Variants in THSD4 observed in about 807,000 individuals in gnomAD.
THSD4 encodes the protein thrombospondin type 1 domain containing 4.
In THSD4, 69 loss-of-function variants were observed where a neutral mutation model predicts 119.0. The ratio of observed to expected loss-of-function variants is 0.58; its 90% CI spans 0.48 to 0.71. The LOEUF (loss-of-function observed/expected upper bound fraction) is 0.71, where lower values mean the gene tolerates loss of function less well. THSD4 is among the 30% of genes least tolerant of loss of function. The pLI, the probability that THSD4 is intolerant of heterozygous loss-of-function variation, is 0.00. For synonymous variants in THSD4, 524 were observed against 540.4 expected, an observed-to-expected ratio of 0.97 and a Z score of 0.42; for missense variants, 1,393 against 1,391.1, an observed-to-expected ratio of 1.00 and a Z score of -0.02.
At chr15:71,732,069 C>G (rs1021871515) in intron 10 of THSD4, 1 of 152,262 alleles carries the variant, frequency 6.6e-6, no homozygotes, top group Non-Finnish European at 1.5e-5. Flanking sequence ...CTTCCTCTCT[C>G]TTTCCTTTAT....
chr15:71,645,924 T>A (rs2050959748), intron 7 of THSD4, among the ~76,000 whole-genome samples: 1 of 152,210 alleles, frequency 6.6e-6, no homozygotes, highest in Non-Finnish European at 1.5e-5. Flanking sequence ...AGTGCCACTT[T>A]CCCTCATCCC....
chr15:71,216,265 C>A (rs980962094), intron 4 of THSD4, among the ~76,000 whole-genome samples: 2 of 152,242 alleles, frequency 1.3e-5, no homozygotes, highest in Admixed American at 1.3e-4. Context: ...ATGCGTAATT[C>A]ATTTGTCAAG....
At chr15:71,285,498 C>T (rs986514746) in intron 6 of THSD4, among the ~76,000 whole-genome samples, 40 of 152,162 alleles carry the variant, frequency 2.6e-4, no homozygotes, top group African/African-American at 8.2e-4. Flanking sequence ...AATAAAATTT[C>T]AAGCAACTAA....
chr15:71,497,824 A>G (rs903810571), intron 7 of THSD4, among the ~76,000 whole-genome samples: 1 of 152,224 alleles, frequency 6.6e-6, no homozygotes, highest in Admixed American at 6.5e-5. Flanking sequence ...AAGATTTCTC[A>G]TAATGTATTT....
At chr15:71,606,190 T>C (rs1480046528) in intron 7 of THSD4, among the ~76,000 whole-genome samples, 1 of 152,244 alleles carries the variant, frequency 6.6e-6, no homozygotes, top group African/African-American at 2.4e-5. Flanking sequence ...TTTTGTTTTT[T>C]GGTTACTTTT....
At chr15:71,194,068 G>T (rs937915422) in intron 3 of THSD4, among the ~76,000 whole-genome samples, 2 of 152,092 alleles carry the variant, frequency 1.3e-5, no homozygotes, top group Admixed American at 6.6e-5. Flanking sequence ...ACTCTCTCTT[G>T]CCTGCTGCCA....
At position 71,529,530 on chromosome 15, in the gene THSD4, T is replaced by C. The variant is rs1019671572; in HGVS notation, c.1152+117707T>C. Among the ~76,000 whole-genome samples, 4 of 152,210 alleles carry C rather than the reference T, an allele frequency of 2.6e-5. 1 individual carries two copies. Among genetic ancestry groups the C allele is most frequent in the Admixed American group, 2.6e-4 (4 of 15,282 alleles). Reference sequence around the variant, plus strand: ...TTGACTTTTTACCTAACAGTCTCAATTGAAAGCTGGGGTTAGTGATTAACT... The same window carrying C: ...TTGACTTTTTACCTAACAGTCTCAACTGAAAGCTGGGGTTAGTGATTAACT... On this transcript the variant is annotated intron_variant, in intron 7 of 17. Transcript: ENST00000261862.
At chr15:71,123,255 C>T (rs2040422894) in intron 1 of THSD4, among the ~76,000 whole-genome samples, 1 of 152,224 alleles carries the variant, frequency 6.6e-6, no homozygotes, top group Non-Finnish European at 1.5e-5. Flanking sequence ...TGCAGTCATT[C>T]ACTCAGGCAT....
At chr15:71,547,558 G>A (rs947156692) in intron 7 of THSD4, 4 of 1,498,568 alleles carry the variant, frequency 2.7e-6, no homozygotes, top group African/African-American at 1.4e-5. Flanking sequence ...TACCAAGAGG[G>A]ATCAGGGAAT....
chr15:71,310,079 T>C (rs1295211776), intron 6 of THSD4, among the ~76,000 whole-genome samples: 1 of 152,218 alleles, frequency 6.6e-6, no homozygotes, highest in Non-Finnish European at 1.5e-5. Flanking sequence ...TGGATAATGC[T>C]AGTATTAGGA....
At chr15:71,618,495 A>C (rs2050361349) in intron 7 of THSD4, among the ~76,000 whole-genome samples, 1 of 152,210 alleles carries the variant, frequency 6.6e-6, no homozygotes, top group Admixed American at 6.5e-5. Context: ...AAAATATAAA[A>C]GCAGGGATAT....
At chr15:71,120,957 G>A (rs113909181) in intron 1 of THSD4, among the ~76,000 whole-genome samples, 55 of 152,270 alleles carry the variant, frequency 3.6e-4, no homozygotes, top group African/African-American at 1.2e-3. Context: ...CATTTTTCTT[G>A]GAGGCACAGT....
At chr15:71,237,595 C>T (rs1292437246) in intron 4 of THSD4, among the ~76,000 whole-genome samples, 1 of 152,130 alleles carries the variant, frequency 6.6e-6, no homozygotes, top group East Asian at 1.9e-4. Context: ...GTGCTAGACC[C>T]GCTGAAGCAG....
chr15:71,285,973 T>C (rs1052350701), intron 6 of THSD4, among the ~76,000 whole-genome samples: 2 of 151,844 alleles, frequency 1.3e-5, no homozygotes, highest in Non-Finnish European at 2.9e-5. Context: ...AATACTCAGG[T>C]TTTTTTCTAC....
chr15:71,583,884 G>T (rs1018614084), intron 7 of THSD4, among the ~76,000 whole-genome samples: 2 of 152,142 alleles, frequency 1.3e-5, no homozygotes, highest in Non-Finnish European at 2.9e-5. Context: ...TTCTGCTGCT[G>T]TTGGTAGAAT....
intron 7 of THSD4, among the ~76,000 whole-genome samples, chr15:71,574,323 A>G (rs2049409918): frequency 6.6e-6 from 1 of 152,204 alleles, no homozygotes; most frequent in Admixed American, 6.5e-5. Context: ...TATTATTGTC[A>G]TCCCCTTTTG....
intron 8 of THSD4, among the ~76,000 whole-genome samples, chr15:71,719,050 TTTAAAG>T (rs1408348821): frequency 6.6e-6 from 1 of 152,232 alleles, no homozygotes; most frequent in Non-Finnish European, 1.5e-5. Flanking sequence ...ATAAACTTTC[TTTAAAG>T]TTAAACCACA....
intron 7 of THSD4, among the ~76,000 whole-genome samples, chr15:71,449,856 G>C (rs895756038): frequency 1.3e-4 from 20 of 152,202 alleles, no homozygotes; most frequent in African/African-American, 4.6e-4. Flanking sequence ...AATACCAATT[G>C]TTATCCACCT....
At chr15:71,231,106 C>G (rs2044057213) in intron 4 of THSD4, among the ~76,000 whole-genome samples, 1 of 152,182 alleles carries the variant, frequency 6.6e-6, no homozygotes, top group Non-Finnish European at 1.5e-5. Context: ...TTCTGGAAAC[C>G]CAGATCACTC....
Sources: allele counts gnomAD v4.1 joint callset (sites outside exome capture counted in the v4.1 genomes callset), GRCh38; gene constraint gnomAD v4.1.1; transcripts MANE v1.5; gene names NCBI Gene and HGNC (gene_info 2026-07-23, HGNC 2026-07-21).